ADGRF5: variants seen among roughly 807,000 people sequenced by gnomAD.
The protein encoded by ADGRF5 is adhesion G protein-coupled receptor F5.
A neutral mutation model predicts 132.3 loss-of-function variants in ADGRF5; 75 were observed. That is an observed-to-expected ratio of 0.57 (90% CI 0.47 to 0.69). The LOEUF is 0.69. Ranked by LOEUF, ADGRF5 falls within the 30% of genes least tolerant of loss-of-function variation. ADGRF5 has a pLI of 0.00. For synonymous variants in ADGRF5, 629 were observed against 597.6 expected, an observed-to-expected ratio of 1.05 and a Z score of -0.77; for missense variants, 1,516 against 1,630.6, an observed-to-expected ratio of 0.93 and a Z score of 1.21.
chr6:46,920,088 C>G (rs1776782059), intron 1 of ADGRF5, among the ~76,000 whole-genome samples: 1 of 152,162 alleles, frequency 6.6e-6, no homozygotes, highest in African/African-American at 2.4e-5. Flanking sequence ...GTTCTCTGGG[C>G]CACTTTATCT....
Position 46,888,794 on chromosome 6 carries a change from C to A in ADGRF5, c.158-289G>T, listed in dbSNP as rs543730789. On this transcript the variant is annotated intron_variant, in intron 3 of 20. Transcript: ENST00000283296. ...GGAACTGTTCGGGCAAAATATGTCACAGTCAGGACTCAAAGGAGTGAGTCA... is the reference window on the plus strand; with the variant it reads ...GGAACTGTTCGGGCAAAATATGTCAAAGTCAGGACTCAAAGGAGTGAGTCA... Among the ~76,000 whole-genome samples the A allele has an allele frequency of 3.3e-5, 5 of 152,240 alleles. No individual in the cohort carries two copies. The South Asian group carries it at 1.0e-3, about 32-fold the overall frequency.
intron 1 of ADGRF5, among the ~76,000 whole-genome samples, chr6:46,939,312 A>G (rs1777968936): frequency 6.6e-6 from 1 of 152,180 alleles, no homozygotes; most frequent in Non-Finnish European, 1.5e-5. Context: ...GATTGGGGAC[A>G]GGCAGGGCTG....
In ADGRF5 at chr6:46,858,907, G is replaced by A; in HGVS notation, c.2996C>T (p.Pro999Leu). The A allele has an allele frequency of 6.2e-7, 1 of 1,614,036 alleles. No individual in the cohort carries two copies. The highest frequency in any genetic ancestry group is 2.2e-5 in the East Asian group (1 of 44,870). Residue 999 changes from proline to leucine, a missense_variant, in exon 17 of 21, where the codon CCT (proline) becomes CTT (leucine). Coordinates refer to ENST00000283296, the MANE Select transcript of ADGRF5 (RefSeq NM_001098518.2). ...GAGAGAACTAGGATCTGGGGAGTCA[G>A]GGGACATGAGGATGGAGAATGATGT... ...HLTSFSILMS[P>L]DSPDPSSLLG...
chr6:46,861,647 T>A (rs1314005728), intron 15 of ADGRF5, among the ~76,000 whole-genome samples: 2 of 152,238 alleles, frequency 1.3e-5, no homozygotes, highest in Non-Finnish European at 2.9e-5. Flanking sequence ...CTTAACAACA[T>A]GGACCATGTG....
intron 2 of ADGRF5, among the ~76,000 whole-genome samples, chr6:46,902,353 G>T (rs1581925565): frequency 6.6e-6 from 1 of 152,298 alleles, no homozygotes; most frequent in Middle Eastern, 3.4e-3. Context: ...ACCGCCAATG[G>T]TCACCTTTGG....
At chr6:46,930,801 C>G (rs1777522335) in intron 1 of ADGRF5, among the ~76,000 whole-genome samples, 1 of 152,108 alleles carries the variant, frequency 6.6e-6, no homozygotes, top group Admixed American at 6.5e-5. Flanking sequence ...GCCTGTAATC[C>G]CAACAGTTTG....
At chr6:46,864,502 G>T (rs914758569) in intron 14 of ADGRF5, among the ~76,000 whole-genome samples, 4 of 151,242 alleles carry the variant, frequency 2.6e-5, no homozygotes, top group Non-Finnish European at 5.9e-5. Context: ...TTTCTATTTA[G>T]CTCTTACTGT....
chr6:46,896,026 A>C (rs569074451), intron 3 of ADGRF5, among the ~76,000 whole-genome samples: 113 of 152,136 alleles, frequency 7.4e-4, no homozygotes, highest in Admixed American at 2.0e-3. Context: ...TGTTTTTCAA[A>C]ATGTCTTTGG....
At chr6:46,873,367 C>G (rs188613932) in intron 10 of ADGRF5, among the ~76,000 whole-genome samples, 3 of 152,238 alleles carry the variant, frequency 2.0e-5, no homozygotes, top group Admixed American at 2.0e-4. Context: ...TCTCCTCTAC[C>G]GAAAGTGTTC....
intron 1 of ADGRF5, among the ~76,000 whole-genome samples, chr6:46,912,190 A>G (rs1286061780): frequency 6.6e-6 from 1 of 152,230 alleles, no homozygotes; most frequent in Non-Finnish European, 1.5e-5. Context: ...TCAAGAGCCC[A>G]TCCCTTTAAC....
At chr6:46,926,245 G>A (rs896092090), upstream of ADGRF5, among the ~76,000 whole-genome samples, 3 of 152,150 alleles carry the variant, frequency 2.0e-5, no homozygotes, top group African/African-American at 7.2e-5. Flanking sequence ...CCTTCTTTGT[G>A]TATGCTTCTC....
intron 8 of ADGRF5, among the ~76,000 whole-genome samples, chr6:46,880,534 G>C (rs1772334809): frequency 6.6e-6 from 1 of 152,102 alleles, no homozygotes; most frequent in Non-Finnish European, 1.5e-5. Context: ...TGAGAAATAA[G>C]AATTTCCTAA....
At chr6:46,949,012 G>A (rs186195269) in intron 1 of ADGRF5, among the ~76,000 whole-genome samples, 11 of 152,230 alleles carry the variant, frequency 7.2e-5, no homozygotes, top group Admixed American at 2.0e-4. Context: ...AGGCTGATGC[G>A]CATCTAAAAA....
At chr6:46,891,136 ACTT>A (rs1196495845) in intron 3 of ADGRF5, among the ~76,000 whole-genome samples, 1 of 152,240 alleles carries the variant, frequency 6.6e-6, no homozygotes, top group Admixed American at 6.5e-5. Context: ...ATTAAGGTAT[ACTT>A]CTTCTTTATA....
At chr6:46,912,035 G>A (rs1272877563) in intron 1 of ADGRF5, among the ~76,000 whole-genome samples, 1 of 151,996 alleles carries the variant, frequency 6.6e-6, no homozygotes, top group Non-Finnish European at 1.5e-5. Flanking sequence ...AATTCTAATG[G>A]GGTGGTTCTA....
At chr6:46,925,235 C>T (rs1386984825), upstream of ADGRF5, among the ~76,000 whole-genome samples, 1 of 152,192 alleles carries the variant, frequency 6.6e-6, no homozygotes, top group East Asian at 1.9e-4. Flanking sequence ...TTCTCTCTGC[C>T]TGCCAGGGAT....
chr6:46,872,282 G>A (rs913890050), intron 10 of ADGRF5, among the ~76,000 whole-genome samples: 6 of 152,118 alleles, frequency 3.9e-5, no homozygotes, highest in African/African-American at 1.4e-4. Context: ...GATGTAAAAT[G>A]AGGATTAATA....
intron 20 of ADGRF5, 138 bp from the exon 21 acceptor site, chr6:46,854,209 C>T (rs956233433): frequency 1.7e-6 from 1 of 572,254 alleles, no homozygotes; most frequent in African/African-American, 1.9e-5. Context: ...CAACCCATAC[C>T]TGCCCTCCTC....
chr6:46,945,699 G>A (rs912413729), intron 1 of ADGRF5, among the ~76,000 whole-genome samples: 11 of 152,200 alleles, frequency 7.2e-5, no homozygotes, highest in South Asian at 2.1e-4. Flanking sequence ...TAGGAGGATC[G>A]TTTACTTGAC....
Sources: allele counts gnomAD v4.1 joint callset (sites outside exome capture counted in the v4.1 genomes callset), GRCh38; gene constraint gnomAD v4.1.1; transcripts MANE v1.5; gene names NCBI Gene and HGNC (gene_info 2026-07-23, HGNC 2026-07-21).